PGAM5: variants seen among roughly 807,000 people sequenced by gnomAD.
PGAM5 encodes the protein serine/threonine-protein phosphatase PGAM5, mitochondrial.
PGAM5 carries 25 observed loss-of-function variants against 30.6 expected under a neutral mutation model. The ratio of observed to expected loss-of-function variants is 0.82; its 90% CI spans 0.60 to 1.14. PGAM5 has a LOEUF of 1.14. PGAM5 is among the 50% of genes most tolerant of loss of function. The pLI is 0.00. For synonymous variants in PGAM5, 201 were observed against 179.1 expected (o/e 1.12, Z -0.98); for missense variants, 384 against 408.5 (o/e 0.94, Z 0.52).
rs982670759 is a variant in PGAM5 at position 132,720,672 on chromosome 12, C to G, written c.720-6C>G. 75 of 1,535,214 alleles carry G rather than the reference C, an allele frequency of 4.9e-5. No homozygotes were observed. The Admixed American group carries it at 1.4e-3, about 29-fold the overall frequency. ...GTGCTCTTTCTCTCTCTCTCTCTCT[C>G]CCCAGAGCACTGCAGTTTCCTCCTG... is the stretch of plus-strand genomic sequence containing the variant. On this transcript the variant is annotated splice_region_variant and splice_polypyrimidine_tract_variant and intron_variant, in intron 5 of 5. Transcript: ENST00000498926.
intron 1 of PGAM5, among the ~76,000 whole-genome samples, chr12:132,713,506 A>G (rs2043542035): frequency 6.6e-6 from 1 of 152,022 alleles, no homozygotes; most frequent in African/African-American, 2.4e-5. Flanking sequence ...CATACCTGCC[A>G]ATTTGAGTCT....
At chr12:132,716,042 C>T (rs2136082741) in intron 2 of PGAM5, among the ~76,000 whole-genome samples, 1 of 152,220 alleles carries the variant, frequency 6.6e-6, no homozygotes, top group Non-Finnish European at 1.5e-5. Context: ...GCCAAAGACG[C>T]TTCTCTGCGG....
intron 2 of PGAM5, among the ~76,000 whole-genome samples, chr12:132,716,563 G>A (rs891834130): frequency 2.6e-5 from 4 of 152,196 alleles, no homozygotes; most frequent in South Asian, 2.1e-4. Context: ...TTGAACAGGC[G>A]GGACTGAGCA....
intron 1 of PGAM5, among the ~76,000 whole-genome samples, chr12:132,712,439 ATTCTTTTTCCTTCTTTTCTTTT>A (rs1391918159): frequency 6.6e-6 from 1 of 152,116 alleles, no homozygotes; most frequent in Non-Finnish European, 1.5e-5. Flanking sequence ...CTGGAGTTAC[ATTCTTTTTCCTTCTTTTCTTTT>A]TTCTTTTTCC....
At chr12:132,711,159 C>T (rs1367427133) in intron 1 of PGAM5, 92 bp downstream of exon 1, 11 of 984,078 alleles carry the variant, frequency 1.1e-5, no homozygotes, top group Non-Finnish European at 1.4e-5. Flanking sequence ...TTTAAGGTTG[C>T]GATCGGGTCG....
intron 1 of PGAM5, among the ~76,000 whole-genome samples, chr12:132,712,604 G>A (rs1451495038): frequency 2.0e-5 from 3 of 151,892 alleles, no homozygotes; most frequent in Admixed American, 6.6e-5. Context: ...TTACAGGCAC[G>A]CGCCATTATG....
At chr12:132,715,746 G>A (rs1455648843) in intron 2 of PGAM5, among the ~76,000 whole-genome samples, 2 of 152,090 alleles carry the variant, frequency 1.3e-5, no homozygotes, top group Non-Finnish European at 2.9e-5. Flanking sequence ...GGGTGCAGTG[G>A]CAGGCACCTG....
chr12:132,717,335 G>GGTGTTTGCGGGCGGAGGAGGGC, intron 2 of PGAM5, 104 bp from the exon 3 acceptor site: 1 of 1,232,160 alleles, frequency 8.1e-7, no homozygotes, highest in South Asian at 1.4e-5. Flanking sequence ...CGGAGGAGGG[G>GGTGTTTGCGGGCGGAGGAGGGC]GTGTTTGAGG....
Position 132,720,664 on chromosome 12 carries a change from C to G in PGAM5, c.720-14C>G, listed in dbSNP as rs1401335382. On this transcript the variant is annotated splice_polypyrimidine_tract_variant and intron_variant, in intron 5 of 5. Coordinates refer to ENST00000498926, the MANE Select transcript of PGAM5 (RefSeq NM_001170543.2). ...GCTCTAACGTGCTCTTTCTCTCTCT[C>G]TCTCTCTCCCCAGAGCACTGCAGTT... 3 of 1,533,534 alleles carry G rather than the reference C, an allele frequency of 2.0e-6. No individual in the cohort carries two copies. The highest frequency in any genetic ancestry group is 2.4e-5 in the East Asian group (1 of 40,826). 95.0% of individuals were successfully genotyped at this position (1,533,534 alleles called of 1,614,324 possible). A position where few individuals can be genotyped will look rare whatever the true frequency, so the allele number is the denominator to read the frequency against.
chr12:132,718,944 G>A (rs2043616353), intron 5 of PGAM5: 5 of 1,535,036 alleles, frequency 3.3e-6, no homozygotes, highest in Middle Eastern at 3.9e-4. Flanking sequence ...GGGGGCCCTT[G>A]TCCCTCAACC....
intron 1 of PGAM5, among the ~76,000 whole-genome samples, chr12:132,714,453 C>G (rs955360588): frequency 6.6e-6 from 1 of 152,240 alleles, no homozygotes; most frequent in African/African-American, 2.4e-5. Flanking sequence ...TCTGCTGAAG[C>G]ATCATGGTCA....
intron 2 of PGAM5, among the ~76,000 whole-genome samples, chr12:132,716,678 AT>A (rs2136083468): frequency 6.6e-6 from 1 of 152,294 alleles, no homozygotes; most frequent in South Asian, 2.1e-4. Context: ...TGTAGAAGAA[AT>A]GCCTGCCTAG....
In PGAM5 at chr12:132,718,123, A is replaced by C; in HGVS notation, c.719+3A>C. 1 of 1,612,544 alleles carries C rather than the reference A, an allele frequency of 6.2e-7. No homozygotes were observed. The highest frequency in any genetic ancestry group is 1.1e-5 in the South Asian group (1 of 91,076). On this transcript the variant is annotated splice_donor_region_variant and intron_variant, in intron 5 of 5. Coordinates refer to ENST00000498926, the MANE Select transcript of PGAM5 (RefSeq NM_001170543.2). Reference sequence around the variant, plus strand: ...GTCATCCGCTACATCGTGTGCAGGTAGGCAGCTGCTGGGCTGGGCGTGGTC... The same window carrying C: ...GTCATCCGCTACATCGTGTGCAGGTCGGCAGCTGCTGGGCTGGGCGTGGTC...
Position 132,710,865 on chromosome 12 carries a change from G to T in PGAM5, c.-12G>T. 8.9e-7 allele frequency: 1 copy of T among 1,124,334 alleles called. No homozygotes were observed. The highest frequency in any genetic ancestry group is 1.1e-6 in the Non-Finnish European group (1 of 920,410). The allele number at this position is 1,124,334 out of a possible 1,614,324, so 69.6% of individuals were successfully genotyped here. On this transcript the variant is annotated 5_prime_UTR_variant, in exon 1 of 6. Coordinates refer to ENST00000498926, the MANE Select transcript of PGAM5 (RefSeq NM_001170543.2). Reference sequence around the variant, plus strand: ...GTGGGCGCCTGCGCGGGCCGGCGCGGGAGCAAGCGGCATGGCGTTCCGGCA... The same window carrying T: ...GTGGGCGCCTGCGCGGGCCGGCGCGTGAGCAAGCGGCATGGCGTTCCGGCA...
chr12:132,717,313 G>GGTGTTTGAGGACGGAGGAGGGC (rs1565999411), intron 2 of PGAM5, 126 bp from the exon 3 acceptor site: 1 of 1,025,526 alleles, frequency 9.8e-7, no homozygotes, highest in African/African-American at 1.9e-5. Flanking sequence ...CGGAGGAGGG[G>GGTGTTTGAGGACGGAGGAGGGC]GTGTTTGCGG....
At chr12:132,711,255 C>A in intron 1 of PGAM5, 188 bp downstream of exon 1, 1 of 378,812 alleles carries the variant, frequency 2.6e-6, no homozygotes. Flanking sequence ...GGCGGCTGAC[C>A]CTTCCCGCCG....
chr12:132,716,350 A>G (rs373876849), intron 2 of PGAM5, among the ~76,000 whole-genome samples: 39 of 149,198 alleles, frequency 2.6e-4, no homozygotes, highest in Middle Eastern at 7.2e-3. Context: ...CTCCCAAAGT[A>G]CTGGGATTAC....
chr12:132,715,257 A>G (rs542669019), intron 2 of PGAM5, among the ~76,000 whole-genome samples: 15 of 152,382 alleles, frequency 9.8e-5, no homozygotes, highest in Non-Finnish European at 2.1e-4. Context: ...GAACTTGGAC[A>G]GAAGACAAGC....
At position 132,720,774 on chromosome 12, in the gene PGAM5, C is replaced by G. The variant is rs778844697; in HGVS notation, c.816C>G (p.Leu272=). Residue 272 remains leucine, a synonymous_variant, in exon 6 of 6, where the codon CTC becomes CTG. Coordinates refer to ENST00000498926, the MANE Select transcript of PGAM5 (RefSeq NM_001170543.2). ...TCCGACCCAACGGCCGAGTTGCGCT[C>G]AGGACCCTCGGGGACACGGGGTTCA... ...LVIRPNGRVA[L]RTLGDTGFMP... The G allele has an allele frequency of 8.6e-5, 132 of 1,536,346 alleles. No homozygotes were observed. Among genetic ancestry groups the G allele is most frequent in the Non-Finnish European group, 1.1e-4 (126 of 1,146,890 alleles).
Sources: gnomAD v4.1 joint callset for allele counts (sites outside exome capture counted in the v4.1 genomes callset) on GRCh38, gnomAD v4.1.1 for gene constraint, MANE v1.5 for transcripts, NCBI Gene and HGNC (gene_info 2026-07-23, HGNC 2026-07-21) for gene names.